The following GLDC variants were observed in gnomAD, a reference collection of about 807,000 sequenced individuals.
GLDC encodes the protein glycine dehydrogenase (decarboxylating), mitochondrial.
GLDC carries 104 observed loss-of-function variants against 121.3 expected under a neutral mutation model. That is an observed-to-expected ratio of 0.86 (90% confidence interval 0.73 to 1.01). The LOEUF (loss-of-function observed/expected upper bound fraction) is 1.01, where lower values mean the gene tolerates loss of function less well. Among genes scored for constraint, GLDC ranks in the 50% least tolerant of loss-of-function variants. The probability of loss-of-function intolerance (pLI) is 0.00; values close to 1 mark genes in which losing one functional copy is unlikely to be tolerated. For missense variants in GLDC, 1,429 were observed against 1,306.6 expected, an observed-to-expected ratio of 1.09 and a Z score of -1.44; for synonymous variants, 546 against 480.6, an observed-to-expected ratio of 1.14 and a Z score of -1.78.
chr9:6,572,826 C>T (rs1292724496), intron 15 of GLDC, among the ~76,000 whole-genome samples: 2 of 152,174 alleles, frequency 1.3e-5, no homozygotes, highest in Non-Finnish European at 2.9e-5. Flanking sequence ...GAAGTTAATG[C>T]AAGCCATTTT....
chr9:6,546,779 G>A (rs372383965), intron 21 of GLDC, among the ~76,000 whole-genome samples: 41 of 151,774 alleles, frequency 2.7e-4, no homozygotes, highest in African/African-American at 9.4e-4. Flanking sequence ...CCGGGCAACA[G>A]GATGAAACCC....
intron 2 of GLDC, chr9:6,639,668 A>AAAAAAATATATATATATATATAT: frequency 7.2e-5 from 18 of 250,590 alleles, no homozygotes; most frequent in African/African-American, 5.2e-4. Context: ...ATAAAAAAAA[A>AAAAAAATATATATATATATATAT]GTATATATAT....
rs1819028571 is a variant in GLDC, at chr9:6,619,148, A to G, written c.470+1036T>C. 6.9e-5 allele frequency among the ~76,000 whole-genome samples: 3 copies of G among 43,758 alleles called. No individual in the cohort carries two copies. In the South Asian group the frequency reaches 3.4e-3, roughly 49 times the overall value. 28.7% of individuals were successfully genotyped at this position (43,758 alleles called of 152,430 possible). ...ACAGAGTGAGACTCTGTCTCAGGCA[A>G]AAAAAAAAAAAAAAAAAAAAAAAAA... On this transcript the variant is annotated intron_variant, in intron 3 of 24. Coordinates refer to ENST00000321612, the MANE Select transcript of GLDC (RefSeq NM_000170.3).
chr9:6,625,260 T>G (rs1386045051), intron 2 of GLDC, among the ~76,000 whole-genome samples: 1 of 152,036 alleles, frequency 6.6e-6, no homozygotes, highest in African/African-American at 2.4e-5. Context: ...CCCAAAGATT[T>G]GCACTGATTG....
chr9:6,580,076 C>T (rs1818145109), intron 15 of GLDC, among the ~76,000 whole-genome samples: 1 of 152,202 alleles, frequency 6.6e-6, no homozygotes, highest in African/African-American at 2.4e-5. Context: ...TCTTCATTTC[C>T]CCTGAAGCAC....
chr9:6,599,451 G>A (rs1219778726), intron 8 of GLDC, among the ~76,000 whole-genome samples: 1 of 151,926 alleles, frequency 6.6e-6, no homozygotes, highest in African/African-American at 2.4e-5. Context: ...GGCCAGGCAT[G>A]GCGGCTTATG....
chr9:6,543,617 T>A (rs928195484), intron 21 of GLDC, among the ~76,000 whole-genome samples: 9 of 152,226 alleles, frequency 5.9e-5, no homozygotes, highest in African/African-American at 2.2e-4. Flanking sequence ...AAATAGAAAC[T>A]GCGGTGGAAT....
intron 14 of GLDC, among the ~76,000 whole-genome samples, chr9:6,587,619 G>C (rs1327737728): frequency 1.3e-5 from 2 of 152,118 alleles, no homozygotes; most frequent in East Asian, 3.8e-4. Flanking sequence ...CTCTTATATA[G>C]CAATAGATTG....
intron 9 of GLDC, among the ~76,000 whole-genome samples, chr9:6,594,630 G>C (rs761223117): frequency 2.6e-5 from 4 of 152,168 alleles, no homozygotes; most frequent in Non-Finnish European, 5.9e-5. Context: ...GGGAAGTGGA[G>C]GTTACAGTGA....
chr9:6,601,152 G>A (rs1272751443), intron 8 of GLDC, among the ~76,000 whole-genome samples: 1 of 152,216 alleles, frequency 6.6e-6, no homozygotes, highest in East Asian at 1.9e-4. Flanking sequence ...CAGCCTGGGC[G>A]ACAGAGTAAA....
chr9:6,542,224 G>C (rs1817282064), intron 21 of GLDC: 1 of 152,264 alleles, frequency 6.6e-6, no homozygotes, highest in Non-Finnish European at 1.5e-5. Context: ...TGGTGACAGA[G>C]CAAGACTCTG....
chr9:6,569,919 T>C (rs1301075870), intron 15 of GLDC, among the ~76,000 whole-genome samples: 3 of 150,492 alleles, frequency 2.0e-5, no homozygotes, highest in Non-Finnish European at 4.4e-5. Flanking sequence ...GAGGCTGCAG[T>C]GATGTAAGAT....
rs763451428 is a variant in GLDC at position 6,595,070 on chromosome 9, T to A, written c.1205A>T (p.His402Leu). The A allele has an allele frequency of 6.2e-7, 1 of 1,613,428 alleles. No homozygotes were observed. Among genetic ancestry groups the A allele is most frequent in the Non-Finnish European group, 8.5e-7 (1 of 1,179,504 alleles). Residue 402 changes from histidine to leucine, a missense_variant, in exon 9 of 25, where the codon CAT becomes CTT. By Grantham distance (99) the His-to-Leu change is moderately conservative. Transcript: ENST00000321612. ...CCTCCTAGCAATATGCTCCAGCCCA[T>A]GGGAACCATGGTAGATTGCAAACAT... ...AAMFAIYHGS[H>L]GLEHIARRVH...
rs773430894 is a variant in GLDC, at chr9:6,536,156, G to C, written c.2746C>G (p.Leu916Val). Reference sequence around the variant, plus strand: ...ATCATGGCATCACAGAATCTGTCCAGCTCTGCCTTGTCCTCCGACTCAGTG... The same window carrying C: ...ATCATGGCATCACAGAATCTGTCCACCTCTGCCTTGTCCTCCGACTCAGTG... The part of the protein sequence containing the change: ...EPTESEDKAE[L>V]DRFCDAMISI... Residue 916 changes from leucine to valine, a missense_variant, in exon 23 of 25, where the codon CTG becomes GTG. Transcript: ENST00000321612. 4.3e-6 allele frequency: 7 copies of C among 1,613,934 alleles called. No homozygotes were observed. The African/African-American group carries it at 6.7e-5, about 15-fold the overall frequency.
In GLDC at chr9:6,645,696, T is replaced by A; in HGVS notation, c.-197A>T. 3.0e-6 allele frequency: 1 copy of A among 335,504 alleles called. No homozygotes were observed. Among genetic ancestry groups the A allele is most frequent in the Non-Finnish European group, 5.1e-6 (1 of 195,358 alleles). The allele number at this position is 335,504 out of a possible 1,614,324, so 20.8% of individuals were successfully genotyped here. A position where few individuals can be genotyped will look rare whatever the true frequency, so the allele number is the denominator to read the frequency against. On this transcript the variant is annotated 5_prime_UTR_variant, in exon 1 of 25. Transcript: ENST00000321612. ...CAACCAAGACACTCGCGCAAAGTTG[T>A]GGCTCCACCCAAGGCACCTGCTCCG...
chr9:6,553,604 G>C, intron 19 of GLDC, 95 bp from the exon 20 acceptor site: 1 of 1,214,466 alleles, frequency 8.2e-7, no homozygotes, highest in Non-Finnish European at 1.2e-6. Flanking sequence ...CTTGTTCTTA[G>C]CAGAGGAGCT....
intron 9 of GLDC, among the ~76,000 whole-genome samples, chr9:6,593,626 C>G (rs7853916): frequency 0.3 from 45,311 of 151,038 alleles, 7,294 homozygotes; most frequent in African/African-American, 0.39. Flanking sequence ...CTATAGATCA[C>G]TATTTTAAAC....
At chr9:6,540,336 A>G in intron 21 of GLDC, 190 bp from the exon 22 acceptor site, 1 of 604,328 alleles carries the variant, frequency 1.7e-6, no homozygotes, top group Non-Finnish European at 3.0e-6. Flanking sequence ...ACAAATAAAA[A>G]TGTTTAGCAC....
chr9:6,625,532 C>G (rs1587976937), intron 2 of GLDC, among the ~76,000 whole-genome samples: 1 of 152,180 alleles, frequency 6.6e-6, no homozygotes, highest in South Asian at 2.1e-4. Flanking sequence ...GCAGGACTCT[C>G]CTTCCTCATA....
Sources: allele counts gnomAD v4.1 joint callset (sites outside exome capture counted in the v4.1 genomes callset), GRCh38; gene constraint gnomAD v4.1.1; transcripts MANE v1.5; gene names NCBI Gene and HGNC (gene_info 2026-07-23, HGNC 2026-07-21).